Variants in FRMD4A observed in about 807,000 individuals in gnomAD.
FRMD4A encodes FERM domain-containing protein 4A.
FRMD4A carries 29 observed loss-of-function variants against 129.1 expected under a neutral mutation model. The observed-to-expected ratio is 0.22, with a 90% CI of 0.17 to 0.31. FRMD4A has a LOEUF of 0.31. FRMD4A is among the 10% of genes least tolerant of loss of function. The probability of loss-of-function intolerance (pLI) is 1.00; values close to 1 mark genes in which losing one functional copy is unlikely to be tolerated. For synonymous variants in FRMD4A, 634 were observed against 571.6 expected (o/e 1.11, Z -1.56); for missense variants, 1,272 against 1,375.8 (o/e 0.92, Z 1.19).
At chr10:13,948,002 G>A (rs944197075) in intron 2 of FRMD4A, among the ~76,000 whole-genome samples, 1 of 151,046 alleles carries the variant, frequency 6.6e-6, no homozygotes, top group African/African-American at 2.4e-5. Context: ...TTCAAGACCA[G>A]CCTGGGCAAA....
Position 13,688,493 on chromosome 10 carries a change from G to A in FRMD4A, c.1117+5405C>T, listed in dbSNP as rs369965557. Among the ~76,000 whole-genome samples the A allele has an allele frequency of 6.9e-4, 105 of 152,030 alleles. No individual in the cohort carries two copies. The East Asian group carries it at 8.0e-3, about 12-fold the overall frequency. On this transcript the variant is annotated intron_variant, in intron 15 of 24. Transcript: ENST00000357447. ...ACACCAACATGGCACATGTATACGT[G>A]TGTAACAAACCTGCACCTTGTGCAC...
chr10:13,875,423 A>G (rs895414717), intron 2 of FRMD4A, among the ~76,000 whole-genome samples: 11 of 152,180 alleles, frequency 7.2e-5, no homozygotes, highest in Non-Finnish European at 1.3e-4. Flanking sequence ...GTGATTTGTA[A>G]AGGGACATAG....
chr10:13,839,899 A>T (rs573591319), intron 3 of FRMD4A, among the ~76,000 whole-genome samples: 1 of 152,302 alleles, frequency 6.6e-6, no homozygotes, highest in Non-Finnish European at 1.5e-5. Flanking sequence ...AGCAGAGCAG[A>T]CCATTCCTGT....
At chr10:13,652,160 C>T (rs2081675122) in intron 23 of FRMD4A, 186 bp from the exon 24 acceptor site, 2 of 608,128 alleles carry the variant, frequency 3.3e-6, no homozygotes, top group South Asian at 2.0e-5. Context: ...AGTCAAAATA[C>T]CTAGTTTGTT....
intron 2 of FRMD4A, among the ~76,000 whole-genome samples, chr10:14,128,052 CTTTCTTTCTTTCTTTCTTT>C (rs1564320052): frequency 5.1e-4 from 15 of 29,438 alleles, no homozygotes; most frequent in African/African-American, 1.5e-3. Flanking sequence ...TTCCCTCTTT[CTTTCTTTCTTTCTTTCTTT>C]CTTTCTTTCT....
chr10:14,265,517 A>G lies in FRMD4A; in HGVS notation c.45+64541T>C, dbSNP rs1844947889. ...AAAAGTAAATCATATGAATTTTGAA[A>G]CAAGGACCCATGTACACAATTTGTA... On this transcript the variant is annotated intron_variant, in intron 2 of 24. Transcript: ENST00000357447. Among the ~76,000 whole-genome samples the G allele has an allele frequency of 2.0e-5, 3 of 152,378 alleles. No individual in the cohort carries two copies. In the South Asian group the frequency reaches 6.2e-4, roughly 32 times the overall value.
intron 2 of FRMD4A, among the ~76,000 whole-genome samples, chr10:14,220,364 T>C (rs1843208282): frequency 6.6e-6 from 1 of 152,178 alleles, no homozygotes; most frequent in Admixed American, 6.5e-5. Flanking sequence ...AAGATAAAAT[T>C]GGCCGTCAAC....
chr10:14,205,151 A>G (rs539969914), intron 2 of FRMD4A, among the ~76,000 whole-genome samples: 1 of 151,724 alleles, frequency 6.6e-6, no homozygotes, highest in Non-Finnish European at 1.5e-5. Context: ...AACGTTAGCC[A>G]TAGGAAAAAA....
At chr10:14,095,238 T>C (rs899363348) in intron 2 of FRMD4A, among the ~76,000 whole-genome samples, 2 of 152,196 alleles carry the variant, frequency 1.3e-5, no homozygotes, top group African/African-American at 4.8e-5. Context: ...ATTCAGCTCA[T>C]GACACTTCTC....
At chr10:13,805,759 G>A (rs2141462) in intron 4 of FRMD4A, among the ~76,000 whole-genome samples, 51,705 of 151,882 alleles carry the variant, frequency 0.34, 9,961 homozygotes, top group Non-Finnish European at 0.44. Context: ...TGCAATAATA[G>A]CTCACTGCAG....
At chr10:13,683,154 G>C (rs561536352) in intron 15 of FRMD4A, among the ~76,000 whole-genome samples, 1 of 152,156 alleles carries the variant, frequency 6.6e-6, no homozygotes, top group Non-Finnish European at 1.5e-5. Context: ...ATGTAGCTGG[G>C]ATTACAGCGC....
intron 2 of FRMD4A, among the ~76,000 whole-genome samples, chr10:13,903,891 A>T (rs34489270): frequency 0.043 from 6,603 of 152,214 alleles, 214 homozygotes; most frequent in East Asian, 0.075. Context: ...TTAAAAAAAA[A>T]AATTGTCTGA....
At position 13,909,215 on chromosome 10, in the gene FRMD4A, G is replaced by A. The variant is rs368644204; in HGVS notation, c.46-50303C>T. Among the ~76,000 whole-genome samples, 79 of 152,292 alleles carry A rather than the reference G, an allele frequency of 5.2e-4. No individual in the cohort carries two copies. The East Asian group carries it at 6.2e-3, about 12-fold the overall frequency. ...AGTATGTGCTTAATAAATACTTGCC[G>A]AGCAAATGAATAAATGAATGAAAGG... On this transcript the variant is annotated intron_variant, in intron 2 of 24. Coordinates refer to ENST00000357447, the MANE Select transcript of FRMD4A (RefSeq NM_018027.5).
At chr10:14,185,588 A>G (rs1842086712) in intron 2 of FRMD4A, among the ~76,000 whole-genome samples, 4 of 151,010 alleles carry the variant, frequency 2.6e-5, no homozygotes, top group South Asian at 2.1e-4. Flanking sequence ...TCTTGTAAGA[A>G]AGAGAAACAG....
intron 2 of FRMD4A, among the ~76,000 whole-genome samples, chr10:14,054,745 A>AC (rs1358848024): frequency 6.6e-6 from 1 of 151,932 alleles, no homozygotes; most frequent in Non-Finnish European, 1.5e-5. Context: ...CATAATCCCC[A>AC]CATGTTGTGG....
intron 2 of FRMD4A, among the ~76,000 whole-genome samples, chr10:14,081,271 C>A (rs1344255100): frequency 1.3e-5 from 2 of 152,104 alleles, no homozygotes; most frequent in Non-Finnish European, 2.9e-5. Context: ...ACAATTAGAC[C>A]ACAAGACAGG....
chr10:13,688,293 C>G (rs4750398), intron 15 of FRMD4A, among the ~76,000 whole-genome samples: 120,641 of 151,776 alleles, frequency 0.79, 48,124 homozygotes, highest in Middle Eastern at 0.85. Flanking sequence ...CTATAGCAAG[C>G]ACAAAAAACC....
intron 2 of FRMD4A, among the ~76,000 whole-genome samples, chr10:14,289,829 A>G (rs1019277034): frequency 1.3e-5 from 2 of 152,106 alleles, no homozygotes; most frequent in African/African-American, 2.4e-5. Flanking sequence ...TACTGTTTCC[A>G]GATGATATGC....
chr10:13,914,021 C>T lies in FRMD4A; in HGVS notation c.46-55109G>A, dbSNP rs549216779. On this transcript the variant is annotated intron_variant, in intron 2 of 24. Transcript: ENST00000357447. ...GGCTTGACTGCCTGTGGACCAACAC[C>T]CCTCTCCCTCCCTGGAAAGGAAGCA... 7.2e-5 allele frequency among the ~76,000 whole-genome samples: 11 copies of T among 152,252 alleles called. No individual in the cohort carries two copies. The East Asian group carries it at 2.1e-3, about 29-fold the overall frequency.
Sources: gnomAD v4.1 joint callset for allele counts (sites outside exome capture counted in the v4.1 genomes callset) on GRCh38, gnomAD v4.1.1 for gene constraint, MANE v1.5 for transcripts, NCBI Gene and HGNC (gene_info 2026-07-23, HGNC 2026-07-21) for gene names.